Variants in USH2A observed in about 807,000 individuals in gnomAD.
USH2A encodes the protein Usher syndrome 2A (autosomal recessive, mild).
Under a neutral mutation model 538.9 loss-of-function variants are expected in USH2A, and 443 were observed. The observed-to-expected ratio is 0.82, with a 90% CI of 0.76 to 0.89. The LOEUF (loss-of-function observed/expected upper bound fraction) is 0.89, where lower values mean the gene tolerates loss of function less well. Among genes scored for constraint, USH2A ranks in the 40% least tolerant of loss-of-function variants. USH2A has a pLI of 0.00. For synonymous variants in USH2A, 2,413 were observed against 2,273.5 expected (o/e 1.06, Z -1.75); for missense variants, 6,633 against 6,324.8 (o/e 1.05, Z -1.65).
intron 61 of USH2A, among the ~76,000 whole-genome samples, chr1:215,708,600 T>C (rs780859284): frequency 5.3e-5 from 8 of 152,150 alleles, no homozygotes; most frequent in Non-Finnish European, 7.4e-5. Flanking sequence ...AGGTATTAGT[T>C]AGATTCTCAT....
chr1:215,945,210 T>C (rs79899548), intron 37 of USH2A, among the ~76,000 whole-genome samples: 7,956 of 152,176 alleles, frequency 0.052, 263 homozygotes, highest in African/African-American at 0.098. Context: ...GTTGGCCTCA[T>C]TGAGGAACAA....
Position 215,934,689 on chromosome 1 carries a change from A to G in USH2A, c.7227T>C (p.Thr2409=), listed in dbSNP as rs141917231. ...GGCTATTTGAAATATTCACTTGTAC[A>G]GTATAGTTGGTAAAAGGAACCAGCC... The part of the protein sequence containing the change: ...IDGLVPFTNY[T]VQVNISNSQG... Residue 2409 remains threonine (T), a synonymous_variant, in exon 38 of 72, where the codon ACT becomes ACC. Transcript: ENST00000307340. 26 of 1,612,886 alleles carry G rather than the reference A, an allele frequency of 1.6e-5. No homozygotes were observed. The Admixed American group carries it at 2.2e-4, about 13-fold the overall frequency.
At chr1:216,397,469 G>A (rs943982432) in intron 3 of USH2A, among the ~76,000 whole-genome samples, 2 of 152,216 alleles carry the variant, frequency 1.3e-5, no homozygotes, top group Non-Finnish European at 2.9e-5. Flanking sequence ...CTGAGAGAAA[G>A]ACCTACCCTC....
chr1:216,125,529 C>T (rs529383127), intron 21 of USH2A, among the ~76,000 whole-genome samples: 1 of 152,146 alleles, frequency 6.6e-6, no homozygotes, highest in Non-Finnish European at 1.5e-5. Context: ...AGTTAGTAGG[C>T]GAGCTTTAAA....
chr1:216,016,384 C>T (rs1377711760), intron 32 of USH2A, among the ~76,000 whole-genome samples: 6 of 152,180 alleles, frequency 3.9e-5, no homozygotes, highest in East Asian at 1.9e-4. Flanking sequence ...GAAAAGAAAT[C>T]GCTTTGCTAT....
rs10746458 is a variant in USH2A at position 215,794,736 on chromosome 1, A to G, written c.9958+4171T>C. ...ACTCTAGAGCTTATCTTGATTCGCA[A>G]GAGTTGAGGGCTGTCACCATTTGTG... On this transcript the variant is annotated intron_variant, in intron 50 of 71. Coordinates refer to ENST00000307340, the MANE Select transcript of USH2A (RefSeq NM_206933.4). Among the ~76,000 whole-genome samples, 91,500 of 152,040 alleles carry G rather than the reference A, an allele frequency of 0.6. 28,378 individuals carry two copies. Among genetic ancestry groups the G allele is most frequent in the African/African-American group, 0.76 (31,563 of 41,498 alleles).
chr1:216,420,649 G>T (rs958506831), intron 2 of USH2A, among the ~76,000 whole-genome samples: 2 of 152,074 alleles, frequency 1.3e-5, no homozygotes, highest in Non-Finnish European at 2.9e-5. Flanking sequence ...AGCTCAGAAG[G>T]ATATTTTATC....
chr1:216,125,009 A>T (rs1271826499), intron 21 of USH2A, among the ~76,000 whole-genome samples: 1 of 152,200 alleles, frequency 6.6e-6, no homozygotes, highest in Non-Finnish European at 1.5e-5. Context: ...AATATATTAC[A>T]CATTTCCTTG....
In USH2A at chr1:215,888,438, G is replaced by A. The variant is rs576995782; in HGVS notation, c.8211C>T (p.Pro2737=). Residue 2737 remains proline (P), a synonymous_variant, in exon 41 of 72, where the codon CCC becomes CCT. Coordinates refer to ENST00000307340, the MANE Select transcript of USH2A (RefSeq NM_206933.4). ...VQPPVVTVLE[P]DAVQVTWKPP... ...GTCAGTATCTTACCTGGACTGCATC[G>A]GGTTCCAGCACTGTCACCACAGGTG... 7 of 1,613,148 alleles carry A rather than the reference G, an allele frequency of 4.3e-6. No homozygotes were observed. The highest frequency in any genetic ancestry group is 2.7e-5 in the African/African-American group (2 of 75,006).
At chr1:215,646,491 T>C (rs890785727) in intron 67 of USH2A, among the ~76,000 whole-genome samples, 9 of 152,138 alleles carry the variant, frequency 5.9e-5, no homozygotes, top group Non-Finnish European at 1.0e-4. Flanking sequence ...GGTGGTTCCA[T>C]AAGATTATAA....
rs552076181 is a variant in USH2A at position 216,005,561 on chromosome 1, C to A, written c.6326-4999G>T. ...GAAGGATATCCCCATGCCCTCTACC[C>A]AGGCTGCCATTTTTTTTTCTCAGAA... is the stretch of plus-strand genomic sequence containing the variant. On this transcript the variant is annotated intron_variant, in intron 32 of 71. Coordinates refer to ENST00000307340, the MANE Select transcript of USH2A (RefSeq NM_206933.4). Among the ~76,000 whole-genome samples, 11 of 152,076 alleles carry A rather than the reference C, an allele frequency of 7.2e-5. 1 individual carries two copies. The highest frequency in any genetic ancestry group is 1.5e-4 in the Non-Finnish European group (10 of 68,016).
chr1:215,696,503 T>C (rs1347569667), intron 61 of USH2A, among the ~76,000 whole-genome samples: 1 of 152,210 alleles, frequency 6.6e-6, no homozygotes, highest in African/African-American at 2.4e-5. Flanking sequence ...TTTCTTTCTT[T>C]CCCTTTTGCC....
chr1:215,788,903 G>A (rs1041862396), intron 51 of USH2A, among the ~76,000 whole-genome samples: 4 of 120,070 alleles, frequency 3.3e-5, no homozygotes, highest in African/African-American at 1.2e-4. Context: ...CAAATGGAAT[G>A]AAACTTGGAA....
At chr1:215,814,188 CTTT>C (rs796627573) in intron 48 of USH2A, among the ~76,000 whole-genome samples, 5 of 144,384 alleles carry the variant, frequency 3.5e-5, no homozygotes, top group African/African-American at 1.2e-4. Flanking sequence ...AATTTTATAT[CTTT>C]TATTTTATTA....
At chr1:216,255,122 C>T (rs756313315) in intron 11 of USH2A, among the ~76,000 whole-genome samples, 1 of 152,210 alleles carries the variant, frequency 6.6e-6, no homozygotes, top group Non-Finnish European at 1.5e-5. Context: ...TTCTCCTGCT[C>T]TTTATGGCTT....
At chr1:215,846,763 A>C (rs1484099114) in intron 44 of USH2A, among the ~76,000 whole-genome samples, 3 of 152,212 alleles carry the variant, frequency 2.0e-5, no homozygotes, top group African/African-American at 7.2e-5. Context: ...TCTTAGAGAG[A>C]AGACTAGGCT....
rs561011323 is a variant in USH2A, at chr1:216,047,839, C to T, written c.6163+695G>A. ...AGAGAAATATGAAGTAACAATGCTTCAAATGTTTTGAGAGCTGTTATTTCT... is the reference window on the plus strand; with the variant it reads ...AGAGAAATATGAAGTAACAATGCTTTAAATGTTTTGAGAGCTGTTATTTCT... On this transcript the variant is annotated intron_variant, in intron 31 of 71. Transcript: ENST00000307340. Among the ~76,000 whole-genome samples the T allele has an allele frequency of 1.1e-4, 17 of 152,310 alleles. No individual in the cohort carries two copies. In the South Asian group the frequency reaches 3.5e-3, roughly 32 times the overall value.
intron 16 of USH2A, among the ~76,000 whole-genome samples, chr1:216,200,965 C>CT: frequency 8.4e-6 from 1 of 119,112 alleles, no homozygotes; most frequent in Non-Finnish European, 1.8e-5. Flanking sequence ...TCCCCTTCCC[C>CT]TCCCCCCATC....
At chr1:216,132,776 C>T (rs2033403333) in intron 21 of USH2A, among the ~76,000 whole-genome samples, 1 of 152,072 alleles carries the variant, frequency 6.6e-6, no homozygotes, top group African/African-American at 2.4e-5. Flanking sequence ...TGGCATTCCA[C>T]TTGAAAATCC....
Sources: gnomAD v4.1 joint callset for allele counts (sites outside exome capture counted in the v4.1 genomes callset) on GRCh38, gnomAD v4.1.1 for gene constraint, MANE v1.5 for transcripts, NCBI Gene and HGNC (gene_info 2026-07-23, HGNC 2026-07-21) for gene names.